The following HEATR5B variants were observed in gnomAD, a reference collection of about 807,000 sequenced individuals.
HEATR5B encodes the protein HEAT repeat containing 5B.
Under a neutral mutation model 224.1 loss-of-function variants are expected in HEATR5B, and 156 were observed. That is an observed-to-expected ratio of 0.70 (90% CI 0.61 to 0.80). The LOEUF is 0.80. HEATR5B is among the 30% of genes least tolerant of loss of function. The pLI, the probability that HEATR5B is intolerant of heterozygous loss-of-function variation, is 0.00. For synonymous variants in HEATR5B, 1,027 were observed against 893.0 expected, an observed-to-expected ratio of 1.15 and a Z score of -2.68; for missense variants, 2,323 against 2,535.5, an observed-to-expected ratio of 0.92 and a Z score of 1.80.
chr2:36,998,744 ATTG>A (rs1293583358), intron 33 of HEATR5B, among the ~76,000 whole-genome samples: 1 of 152,326 alleles, frequency 6.6e-6, no homozygotes, highest in East Asian at 1.9e-4. Context: ...AAAAAAAGTT[ATTG>A]TTGAGTCACA....
chr2:37,058,915 A>G lies in HEATR5B; in HGVS notation c.1922T>C (p.Ile641Thr). ...TGACATCATAGTCATGGCACATTCA[A>G]TAGGGGTCATCAATTTTCGAATCAC... ...EDVIRKLMTP[I>T]ECAMTMMSHI... Residue 641 changes from isoleucine (I) to threonine (T), a missense_variant, in exon 13 of 36, where the codon ATT becomes ACT. Physicochemically the swap from Ile to Thr is moderately conservative, Grantham distance 89. This residue lies in a region of HEATR5B where 502 missense variants were observed against 517.8 expected (regional missense o/e 0.97). Transcript: ENST00000233099. The G allele has an allele frequency of 1.2e-6, 2 of 1,609,930 alleles. No homozygotes were observed. Among genetic ancestry groups the G allele is most frequent in the Admixed American group, 1.7e-5 (1 of 59,972 alleles).
intron 3 of HEATR5B, among the ~76,000 whole-genome samples, 177 bp downstream of exon 3, chr2:37,078,943 G>A (rs920364968): frequency 6.6e-6 from 1 of 152,120 alleles, no homozygotes; most frequent in Non-Finnish European, 1.5e-5. Flanking sequence ...TCCAGAATCA[G>A]CATGCCTAAA....
rs1293082295 is a variant in HEATR5B at position 37,000,625 on chromosome 2, G to C, written c.5506C>G (p.Arg1836Gly). Residue 1836 changes from arginine to glycine, a missense_variant, in exon 33 of 36, where the codon CGT becomes GGT. By Grantham distance (125) the Arg-to-Gly change is moderately radical (BLOSUM62 -2). Coordinates refer to ENST00000233099, the MANE Select transcript of HEATR5B (RefSeq NM_019024.3). Reference protein sequence around the residue: ...GVQKQWTALIRSTLACILEYS... With the variant: ...GVQKQWTALIGSTLACILEYS... ...TCCAGGATGCAAGCAAGCGTGCTAC[G>C]AATCAGAGCTGTCCACTGTTTTTGA... 3 of 1,614,054 alleles carry C rather than the reference G, an allele frequency of 1.9e-6. No individual in the cohort carries two copies. Among genetic ancestry groups the C allele is most frequent in the African/African-American group, 2.7e-5 (2 of 74,920 alleles).
intron 5 of HEATR5B, among the ~76,000 whole-genome samples, chr2:37,072,823 C>T (rs1243359679): frequency 6.6e-6 from 1 of 150,470 alleles, no homozygotes; most frequent in Admixed American, 6.6e-5. Context: ...ACAGATTCAA[C>T]ATGTTTTAAA....
At chr2:37,083,709 T>C (rs6718647) in intron 1 of HEATR5B, among the ~76,000 whole-genome samples, 10,967 of 152,172 alleles carry the variant, frequency 0.072, 409 homozygotes, top group Non-Finnish European at 0.085. Flanking sequence ...AGAAGAAATA[T>C]GTCCAGCAAC....
rs780955702 is a variant in HEATR5B at position 37,005,716 on chromosome 2, G to C, written c.4821C>G (p.Pro1607=). The C allele has an allele frequency of 6.2e-7, 1 of 1,609,626 alleles. No homozygotes were observed. Among genetic ancestry groups the C allele is most frequent in the Non-Finnish European group, 8.5e-7 (1 of 1,177,654 alleles). Residue 1607 remains proline, a synonymous_variant, in exon 30 of 36, where the codon CCC becomes CCG. Coordinates refer to ENST00000233099, the MANE Select transcript of HEATR5B (RefSeq NM_019024.3). ...QFLCSPRPEE[P]IEHVTACLQA... ...GCAGGCATGCTGTAACATGTTCAAT[G>C]GGCTCCTCAGGTCTAGGGGAACAAA...
chr2:37,065,907 G>C lies in HEATR5B; in HGVS notation c.1181C>G (p.Ala394Gly). The C allele has an allele frequency of 6.2e-7, 1 of 1,601,854 alleles. No individual in the cohort carries two copies. Among genetic ancestry groups the C allele is most frequent in the Non-Finnish European group, 8.5e-7 (1 of 1,170,910 alleles). Residue 394 changes from alanine to glycine, a missense_variant, in exon 9 of 36, where the codon GCA becomes GGA. This residue lies in a region of HEATR5B where 502 missense variants were observed against 517.8 expected (regional missense o/e 0.97). Transcript: ENST00000233099. ...TTCTCCACTTGTGTCATTCACTACTGCTTCTGGAAACACAAAATCATGTCT... is the reference window on the plus strand; with the variant it reads ...TTCTCCACTTGTGTCATTCACTACTCCTTCTGGAAACACAAAATCATGTCT... ...AIGKQMKAVE[A>G]VVNDTSGENK...
intron 17 of HEATR5B, 125 bp downstream of exon 17, chr2:37,053,377 C>G: frequency 2.3e-6 from 1 of 438,852 alleles, no homozygotes; most frequent in Non-Finnish European, 4.1e-6. Flanking sequence ...TTTAACTAAG[C>G]TAACGTAAAG....
chr2:36,988,312 G>C (rs981173071), intron 35 of HEATR5B, among the ~76,000 whole-genome samples: 1 of 151,822 alleles, frequency 6.6e-6, no homozygotes, highest in African/African-American at 2.4e-5. Flanking sequence ...TGCCAGGCTG[G>C]AGTGCGCTGG....
intron 29 of HEATR5B, 63 bp from the exon 30 acceptor site, chr2:37,005,822 C>T: frequency 7.9e-7 from 1 of 1,269,674 alleles, no homozygotes; most frequent in South Asian, 1.5e-5. Context: ...TGTTTGATCC[C>T]ATATTTCTTC....
chr2:37,060,714 G>T lies in HEATR5B; in HGVS notation c.1716C>A (p.Tyr572Ter). The change falls in exon 12 of 36, where the codon TAC (tyrosine) becomes TAA (stop). Residue 572 changes from tyrosine to a stop codon, truncating the protein, a stop_gained. Coordinates refer to ENST00000233099, the MANE Select transcript of HEATR5B (RefSeq NM_019024.3). LOFTEE classifies it high-confidence loss of function. ...LMTLGPSVVR[Y>*]HLPKMLLLWR... Reference sequence around the variant, plus strand: ...ACAATAACAACATCTTGGGCAGATGGTAACGAACGACAGATGGTCCTAGCC... The same window carrying T: ...ACAATAACAACATCTTGGGCAGATGTTAACGAACGACAGATGGTCCTAGCC... 1 of 1,613,362 alleles carries T rather than the reference G, an allele frequency of 6.2e-7. No homozygotes were observed. Among genetic ancestry groups the T allele is most frequent in the Non-Finnish European group, 8.5e-7 (1 of 1,179,590 alleles).
chr2:37,003,656 G>A lies in HEATR5B; in HGVS notation c.4936C>T (p.His1646Tyr), dbSNP rs369773009. Residue 1646 changes from histidine to tyrosine, a missense_variant, in exon 31 of 36, where the codon CAC (histidine) becomes TAC (tyrosine). Coordinates refer to ENST00000233099, the MANE Select transcript of HEATR5B (RefSeq NM_019024.3). ...GGATTCCAGGTCAATAGAAGGCGGT[G>A]CAAAACACTCAGCAACTCAACACCT... ...LIGVELLSVL[H>Y]RLLLTWNPSS... 19 of 1,610,538 alleles carry A rather than the reference G, an allele frequency of 1.2e-5. No homozygotes were observed. The highest frequency in any genetic ancestry group is 1.4e-5 in the Non-Finnish European group (17 of 1,178,182).
Position 36,981,729 on chromosome 2 carries a change from C to T in HEATR5B, c.5977G>A (p.Ala1993Thr). ...ISYLLDENSF[A>T]SASSASKDLH... ...TCTTTGGAAGCTGAACTTGCTGAGG[C>T]AAAAGAATTTTCATCCAGCAGGTAA... Residue 1993 changes from alanine (A) to threonine (T), a missense_variant, in exon 36 of 36, where the codon GCC (alanine) becomes ACC (threonine). Ala to Thr is a moderately conservative substitution (Grantham distance 58). Transcript: ENST00000233099. The T allele has an allele frequency of 6.2e-7, 1 of 1,613,528 alleles. No individual in the cohort carries two copies. The highest frequency in any genetic ancestry group is 1.3e-5 in the African/African-American group (1 of 74,938).
intron 18 of HEATR5B, among the ~76,000 whole-genome samples, chr2:37,042,666 TGGATCACTCGA>T (rs1328418614): frequency 6.6e-6 from 1 of 152,008 alleles, no homozygotes; most frequent in Non-Finnish European, 1.5e-5. Context: ...CCAAGGCAAG[TGGATCACTCGA>T]GGTCAGGAGT....
intron 18 of HEATR5B, among the ~76,000 whole-genome samples, chr2:37,048,343 C>A (rs1378607817): frequency 6.6e-6 from 1 of 151,992 alleles, no homozygotes; most frequent in Non-Finnish European, 1.5e-5. Flanking sequence ...TTCAACCATG[C>A]CCAGCTAATT....
At chr2:37,013,745 A>T in intron 27 of HEATR5B, 96 bp downstream of exon 27, 1 of 1,172,444 alleles carries the variant, frequency 8.5e-7, no homozygotes, top group South Asian at 2.0e-5. Context: ...GTTAGTTTTT[A>T]AAAAACAAAA....
chr2:36,999,750 C>T (rs1329999396), intron 33 of HEATR5B, among the ~76,000 whole-genome samples: 5 of 151,454 alleles, frequency 3.3e-5, no homozygotes, highest in East Asian at 3.9e-4. Flanking sequence ...CGGTAGCTCA[C>T]GTCTGTAATG....
At chr2:37,065,666 GA>G in intron 9 of HEATR5B, 88 bp downstream of exon 9, 1 of 1,100,372 alleles carries the variant, frequency 9.1e-7, no homozygotes, top group Non-Finnish European at 1.3e-6. Context: ...TAATGATGAT[GA>G]TAAGCAACTA....
intron 18 of HEATR5B, among the ~76,000 whole-genome samples, chr2:37,048,074 C>T (rs1407142423): frequency 6.6e-6 from 1 of 151,998 alleles, no homozygotes; most frequent in Non-Finnish European, 1.5e-5. Context: ...TGAAGGCAAG[C>T]ACTGATGATA....
Sources: gnomAD v4.1 joint callset for allele counts (sites outside exome capture counted in the v4.1 genomes callset) on GRCh38, gnomAD v4.1.1 for gene constraint, gnomAD v4.1.1 regional missense constraint, MANE v1.5 for transcripts, NCBI Gene and HGNC (gene_info 2026-07-23, HGNC 2026-07-21) for gene names.